LARGE1: variants seen among roughly 807,000 people sequenced by gnomAD.
The protein encoded by LARGE1 is LARGE xylosyl- and glucuronyltransferase 1.
LARGE1 carries 43 observed loss-of-function variants against 87.6 expected under a neutral mutation model. That is an observed-to-expected ratio of 0.49 (90% confidence interval 0.38 to 0.63). LARGE1 has a LOEUF of 0.63. Ranked by LOEUF, LARGE1 falls within the 30% of genes least tolerant of loss-of-function variation. LARGE1 has a pLI of 0.00. For synonymous variants in LARGE1, 434 were observed against 394.6 expected (o/e 1.10, Z -1.18); for missense variants, 802 against 1,000.2 (o/e 0.80, Z 2.67).
intron 12 of LARGE1, among the ~76,000 whole-genome samples, chr22:33,286,034 T>C (rs1236870275): frequency 6.6e-6 from 1 of 152,196 alleles, no homozygotes. Flanking sequence ...GTTAACTATA[T>C]ACCAAATAAT....
chr22:33,178,044 A>C (rs1922971609), intron 11 of LARGE1, among the ~76,000 whole-genome samples: 1 of 152,188 alleles, frequency 6.6e-6, no homozygotes, highest in African/African-American at 2.4e-5. Flanking sequence ...CCTCCCAGCC[A>C]TGTGGAACTG....
At chr22:33,887,154 T>C (rs1413535379) in intron 1 of LARGE1, among the ~76,000 whole-genome samples, 2 of 152,138 alleles carry the variant, frequency 1.3e-5, no homozygotes, top group East Asian at 1.9e-4. Context: ...GGTCTGAATA[T>C]CGATGTCCCC....
At chr22:33,561,933 C>T (rs896826778) in intron 6 of LARGE1, among the ~76,000 whole-genome samples, 7 of 152,136 alleles carry the variant, frequency 4.6e-5, no homozygotes, top group Non-Finnish European at 1.5e-5. Context: ...GCTTTCACAG[C>T]GCCACAAAGG....
chr22:33,743,948 G>A (rs1308769999), intron 2 of LARGE1: 1 of 152,184 alleles, frequency 6.6e-6, no homozygotes, highest in Non-Finnish European at 1.5e-5. Context: ...TACCAGCTGA[G>A]TGACCCTGAG....
At chr22:33,644,053 T>A (rs2080528487) in intron 3 of LARGE1, among the ~76,000 whole-genome samples, 1 of 152,168 alleles carries the variant, frequency 6.6e-6, no homozygotes, top group Non-Finnish European at 1.5e-5. Flanking sequence ...CCTCCCTAAC[T>A]CATTTTATGA....
intron 5 of LARGE1, among the ~76,000 whole-genome samples, chr22:33,579,485 C>T (rs898154318): frequency 2.6e-5 from 4 of 152,172 alleles, no homozygotes; most frequent in Admixed American, 6.5e-5. Flanking sequence ...CTAAAACTAA[C>T]GGTTAGCATT....
intron 7 of LARGE1, among the ~76,000 whole-genome samples, chr22:33,402,710 G>T (rs11912226): frequency 1.1e-3 from 167 of 152,252 alleles, no homozygotes; most frequent in African/African-American, 3.8e-3. Flanking sequence ...AATTAAATAA[G>T]GGACTATTGT....
chr22:33,320,321 A>C, intron 10 of LARGE1, among the ~76,000 whole-genome samples: 1 of 147,270 alleles, frequency 6.8e-6, no homozygotes, highest in Non-Finnish European at 1.5e-5. Context: ...CCCTCACTTC[A>C]CTCCACTCTC....
chr22:33,307,725 G>C (rs1935093778), intron 11 of LARGE1, among the ~76,000 whole-genome samples: 1 of 151,948 alleles, frequency 6.6e-6, no homozygotes, highest in African/African-American at 2.4e-5. Flanking sequence ...GAGGTGATCA[G>C]GTCATGAAGG....
rs185167180 is a variant in LARGE1 at position 33,865,056 on chromosome 22, G to A, written c.-83+54939C>T. Among the ~76,000 whole-genome samples, 245 of 152,320 alleles carry A rather than the reference G, an allele frequency of 1.6e-3. 2 individuals are homozygous for A. The highest frequency in any genetic ancestry group is 3.8e-4 in the Non-Finnish European group (26 of 68,034). On this transcript the variant is annotated intron_variant, in intron 1 of 14. Transcript: ENST00000397394. ...CCCAGCAGACAGAACACGTTTGGAT[G>A]CACTGTTATCATAAAGTACTGCTGA...
chr22:33,116,528 G>A, the LARGE1 span, among the ~76,000 whole-genome samples: 10 of 147,746 alleles, frequency 6.8e-5, no homozygotes, highest in African/African-American at 2.5e-4. Context: ...CTAATTTTTT[G>A]TATTTTTTTT....
chr22:33,331,313 T>C (rs1245847652), intron 10 of LARGE1, among the ~76,000 whole-genome samples: 1 of 152,190 alleles, frequency 6.6e-6, no homozygotes, highest in Non-Finnish European at 1.5e-5. Flanking sequence ...ACTCTTGTTG[T>C]CATTATCAAT....
At chr22:33,166,379 C>T in exon 12 of LARGE1, 1 of 187,570 alleles carries the variant, frequency 5.3e-6, no homozygotes, top group Non-Finnish European at 1.1e-5. Flanking sequence ...CCTGCATGTA[C>T]CACCTCAATC....
chr22:33,555,072 A>AT (rs979930531), intron 6 of LARGE1, among the ~76,000 whole-genome samples: 4 of 152,114 alleles, frequency 2.6e-5, no homozygotes, highest in Admixed American at 6.5e-5. Flanking sequence ...ATATACACAG[A>AT]TTTTTTTTGT....
chr22:33,728,410 A>G (rs1479692665), intron 2 of LARGE1, among the ~76,000 whole-genome samples: 1 of 151,868 alleles, frequency 6.6e-6, no homozygotes, highest in East Asian at 1.9e-4. Context: ...ACGGGGGTGC[A>G]TGCCTGTAAT....
intron 4 of LARGE1, among the ~76,000 whole-genome samples, chr22:33,606,003 C>A (rs1263277379): frequency 6.6e-6 from 1 of 152,074 alleles, no homozygotes; most frequent in African/African-American, 2.4e-5. Flanking sequence ...GAGCAACAGA[C>A]AAAGGCTGGG....
Position 33,890,744 on chromosome 22 carries a change from G to A in LARGE1, c.-83+29251C>T, listed in dbSNP as rs1601860110. 2.3e-5 allele frequency among the ~76,000 whole-genome samples: 3 copies of A among 130,466 alleles called. No homozygotes were observed. The Admixed American group carries it at 2.9e-4, about 12-fold the overall frequency. 85.6% of individuals were successfully genotyped at this position (130,466 alleles called of 152,430 possible). A position where few individuals can be genotyped will look rare whatever the true frequency, so the allele number is the denominator to read the frequency against. ...CTTCGTGATAAGCCAGCCCTCATAG[G>A]CAACAATTCCTCAGGTTGTTCAGGA... is the stretch of plus-strand genomic sequence containing the variant. On this transcript the variant is annotated intron_variant, in intron 1 of 14. Transcript: ENST00000397394.
At chr22:33,361,771 T>TTAGAGTCCCTCCTCTTTAGA (rs59124776) in intron 9 of LARGE1, among the ~76,000 whole-genome samples, 1 of 149,348 alleles carries the variant, frequency 6.7e-6, no homozygotes, top group South Asian at 2.2e-4. Flanking sequence ...TCCCTCCTCT[T>TTAGAGTCCCTCCTCTTTAGA]GCTCTGTTAG....
intron 1 of LARGE1, among the ~76,000 whole-genome samples, chr22:33,846,038 T>C (rs2063420306): frequency 6.6e-6 from 1 of 152,222 alleles, no homozygotes; most frequent in African/African-American, 2.4e-5. Context: ...TACAGAGTTT[T>C]CCGCTGTCTG....
Sources: gnomAD v4.1 joint callset for allele counts (sites outside exome capture counted in the v4.1 genomes callset) on GRCh38, gnomAD v4.1.1 for gene constraint, MANE v1.5 for transcripts, NCBI Gene and HGNC (gene_info 2026-07-23, HGNC 2026-07-21) for gene names.